Variants in RAD18 observed in about 807,000 individuals in gnomAD.
RAD18 encodes RAD18 E3 ubiquitin protein ligase, also known as E3 ubiquitin-protein ligase RAD18.
Under a neutral mutation model 60.4 loss-of-function variants are expected in RAD18, and 47 were observed. The ratio of observed to expected loss-of-function variants is 0.78; its 90% confidence interval spans 0.62 to 0.99. The LOEUF is 0.99. RAD18 is among the 50% of genes least tolerant of loss of function. The probability of loss-of-function intolerance (pLI) is 0.00; values close to 1 mark genes in which losing one functional copy is unlikely to be tolerated. For synonymous variants in RAD18, 225 were observed against 195.5 expected (o/e 1.15, Z -1.26); for missense variants, 640 against 593.3 (o/e 1.08, Z -0.82).
intron 4 of RAD18, among the ~76,000 whole-genome samples, chr3:8,944,930 G>A (rs6786151): frequency 0.036 from 5,505 of 152,158 alleles, 336 homozygotes; most frequent in African/African-American, 0.12. Flanking sequence ...CCATCCACCA[G>A]CTCTGCATCT....
intron 2 of RAD18, among the ~76,000 whole-genome samples, chr3:8,955,721 T>A (rs1940998573): frequency 6.6e-6 from 1 of 152,138 alleles, no homozygotes; most frequent in Non-Finnish European, 1.5e-5. Flanking sequence ...CAGCAGCTAA[T>A]GAAAAAACTG....
chr3:8,920,145 G>A (rs2125058218), intron 7 of RAD18, among the ~76,000 whole-genome samples: 1 of 152,212 alleles, frequency 6.6e-6, no homozygotes, highest in South Asian at 2.1e-4. Flanking sequence ...AGCCAGGCAT[G>A]GCATGCGCCT....
At chr3:8,955,685 A>G (rs1427190730) in intron 2 of RAD18, among the ~76,000 whole-genome samples, 1 of 152,234 alleles carries the variant, frequency 6.6e-6, no homozygotes, top group African/African-American at 2.4e-5. Context: ...CTGCAATACC[A>G]TGGACAGACA....
At chr3:8,911,695 T>C (rs997735568) in intron 9 of RAD18, among the ~76,000 whole-genome samples, 6 of 152,170 alleles carry the variant, frequency 3.9e-5, no homozygotes, top group Non-Finnish European at 7.3e-5. Context: ...CTTACCTCAA[T>C]TAAAACATAC....
At chr3:8,955,588 G>A (rs1448265496) in intron 2 of RAD18, among the ~76,000 whole-genome samples, 1 of 152,096 alleles carries the variant, frequency 6.6e-6, no homozygotes, top group African/African-American at 2.4e-5. Flanking sequence ...ACTCAACTTG[G>A]GGTGCTTTGG....
intron 12 of RAD18, among the ~76,000 whole-genome samples, chr3:8,883,534 T>C (rs1314919263): frequency 6.6e-6 from 1 of 152,140 alleles, no homozygotes; most frequent in Non-Finnish European, 1.5e-5. Flanking sequence ...GCAAAACCAG[T>C]CTTTGCTGGT....
intron 7 of RAD18, among the ~76,000 whole-genome samples, chr3:8,922,365 T>C (rs1176661898): frequency 6.6e-6 from 1 of 152,158 alleles, no homozygotes; most frequent in African/African-American, 2.4e-5. Context: ...GAGATCAAAC[T>C]GCAAGGTGGC....
At position 8,881,310 on chromosome 3, in the gene RAD18, G is replaced by A; in HGVS notation, c.*47C>T. The A allele has an allele frequency of 6.9e-7, 1 of 1,444,744 alleles. No individual in the cohort carries two copies. Among genetic ancestry groups the A allele is most frequent in the Non-Finnish European group, 9.6e-7 (1 of 1,038,250 alleles). 89.5% of individuals were successfully genotyped at this position (1,444,744 alleles called of 1,614,324 possible). On this transcript the variant is annotated 3_prime_UTR_variant, in exon 13 of 13. Coordinates refer to ENST00000264926, the MANE Select transcript of RAD18 (RefSeq NM_020165.4). ...GAAAATCTATCTGTGGCAACCAAAA[G>A]TACGGTATTCTAATCAATGCATTTG...
chr3:8,955,939 CTAT>C (rs1485350483), intron 2 of RAD18, among the ~76,000 whole-genome samples: 1 of 152,142 alleles, frequency 6.6e-6, no homozygotes, highest in Non-Finnish European at 1.5e-5. Flanking sequence ...CCTATTTATA[CTAT>C]GTTTTTTCCT....
In RAD18 at chr3:8,898,985, C is replaced by A; in HGVS notation, c.1231G>T (p.Glu411Ter). 1 of 1,610,460 alleles carries A rather than the reference C, an allele frequency of 6.2e-7. No individual in the cohort carries two copies. The highest frequency in any genetic ancestry group is 2.2e-5 in the East Asian group (1 of 44,806). Residue 411 changes from glutamate (E) to a stop codon, truncating the protein, a stop_gained, in exon 11 of 13, where the codon GAG (glutamate) becomes TAG (stop). Coordinates refer to ENST00000264926, the MANE Select transcript of RAD18 (RefSeq NM_020165.4). LOFTEE classifies it high-confidence loss of function. ...TCTTCTCTGTCAGGTTCCAATTCCT[C>A]TGGGGAGTCCAGCTTTGATTGAGAA... ...HFSQSKLDSPEELEPDREEDS... is the reference protein window; with the variant it reads ...HFSQSKLDSP
At chr3:8,918,798 TATC>T (rs1432399543) in intron 7 of RAD18, among the ~76,000 whole-genome samples, 1 of 152,222 alleles carries the variant, frequency 6.6e-6, no homozygotes, top group Non-Finnish European at 1.5e-5. Flanking sequence ...TGTGCAGTAT[TATC>T]AGAGAGCAAG....
intron 7 of RAD18, among the ~76,000 whole-genome samples, chr3:8,918,613 T>C (rs1940253107): frequency 6.6e-6 from 1 of 152,146 alleles, no homozygotes; most frequent in Non-Finnish European, 1.5e-5. Context: ...GGTGTCTTTG[T>C]ATTCTGTATC....
intron 2 of RAD18, among the ~76,000 whole-genome samples, chr3:8,952,123 A>T (rs1940936978): frequency 6.6e-6 from 1 of 152,198 alleles, no homozygotes; most frequent in Non-Finnish European, 1.5e-5. Context: ...CACTCCAGGC[A>T]TTCCACCTTT....
At chr3:8,962,769 G>C (rs1941111662) in intron 1 of RAD18, among the ~76,000 whole-genome samples, 1 of 152,220 alleles carries the variant, frequency 6.6e-6, no homozygotes. Flanking sequence ...CGCTGAGCCT[G>C]AGTCCTGATC....
chr3:8,936,032 A>T lies in RAD18; in HGVS notation c.728T>A (p.Leu243Gln), dbSNP rs1940646493. 12 of 1,593,878 alleles carry T rather than the reference A, an allele frequency of 7.5e-6. No individual in the cohort carries two copies. Among genetic ancestry groups the T allele is most frequent in the Non-Finnish European group, 1.0e-5 (12 of 1,171,846 alleles). Residue 243 changes from leucine to glutamine, a missense_variant, in exon 7 of 13, where the codon CTG becomes CAG. By Grantham distance (113) the Leu-to-Gln change is moderately radical. Transcript: ENST00000264926. Reference sequence around the variant, plus strand: ...GAGCAAATTATATACAGTTTTGGGCAGCGGCTTCCTTTTGTGAACAGAACT... The same window carrying T: ...GAGCAAATTATATACAGTTTTGGGCTGCGGCTTCCTTTTGTGAACAGAACT... ...LRSSVHKRKPLPKTVYNLLSD... is the reference protein window; with the variant it reads ...LRSSVHKRKPQPKTVYNLLSD...
chr3:8,957,171 T>C (rs1941028440), intron 2 of RAD18, among the ~76,000 whole-genome samples: 1 of 152,132 alleles, frequency 6.6e-6, no homozygotes, highest in Non-Finnish European at 1.5e-5. Context: ...CAAACAACAC[T>C]GTTGAGAGAA....
At chr3:8,910,670 G>A (rs537041122) in intron 9 of RAD18, among the ~76,000 whole-genome samples, 1 of 152,070 alleles carries the variant, frequency 6.6e-6, no homozygotes, top group South Asian at 2.1e-4. Flanking sequence ...AAATTGTCTG[G>A]CTTGAGCCAT....
intron 1 of RAD18, among the ~76,000 whole-genome samples, chr3:8,962,791 G>GACAT (rs1340464013): frequency 2.6e-5 from 4 of 152,234 alleles, no homozygotes; most frequent in Non-Finnish European, 5.9e-5. Flanking sequence ...CTGTTTAAGA[G>GACAT]ACATGAGCAA....
At chr3:8,889,524 CT>C (rs1939644840) in intron 12 of RAD18, among the ~76,000 whole-genome samples, 1 of 152,094 alleles carries the variant, frequency 6.6e-6, no homozygotes, top group Non-Finnish European at 1.5e-5. Flanking sequence ...TAAGCGCCTA[CT>C]GTAGGAGGAC....
Sources: allele counts gnomAD v4.1 joint callset (sites outside exome capture counted in the v4.1 genomes callset), GRCh38; gene constraint gnomAD v4.1.1; transcripts MANE v1.5; gene names NCBI Gene and HGNC (gene_info 2026-07-23, HGNC 2026-07-21).